EYS: variants seen among roughly 807,000 people sequenced by gnomAD.
EYS encodes the protein protein eyes shut homolog.
In EYS, 250 loss-of-function variants were observed where a neutral mutation model predicts 282.1. The ratio of observed to expected loss-of-function variants is 0.89; its 90% CI spans 0.80 to 0.98. The LOEUF (loss-of-function observed/expected upper bound fraction) is 0.98, where lower values mean the gene tolerates loss of function less well. Among genes scored for constraint, EYS ranks in the 50% least tolerant of loss-of-function variants. EYS has a pLI of 0.00. For missense variants in EYS, 4,016 were observed against 3,709.0 expected (o/e 1.08, Z -2.15); for synonymous variants, 1,355 against 1,282.9 (o/e 1.06, Z -1.20).
chr6:64,592,296 T>A (rs1766436530), intron 25 of EYS, among the ~76,000 whole-genome samples: 1 of 152,180 alleles, frequency 6.6e-6, no homozygotes, highest in South Asian at 2.1e-4. Context: ...ACATGAAAAA[T>A]TACAACTCTT....
At chr6:64,617,379 TA>T in intron 24 of EYS, 38 bp downstream of exon 24, 1 of 1,310,514 alleles carries the variant, frequency 7.6e-7, no homozygotes, top group Non-Finnish European at 1.1e-6. Context: ...TCAAAGAGAA[TA>T]AAAAATTATT....
At chr6:65,142,619 T>C (rs1480737717) in intron 12 of EYS, among the ~76,000 whole-genome samples, 1 of 151,416 alleles carries the variant, frequency 6.6e-6, no homozygotes, top group Non-Finnish European at 1.5e-5. Flanking sequence ...CTCTGTAATA[T>C]CTTTGCAACT....
At chr6:64,337,960 A>G (rs935502392) in intron 29 of EYS, among the ~76,000 whole-genome samples, 4 of 151,862 alleles carry the variant, frequency 2.6e-5, no homozygotes, top group African/African-American at 4.8e-5. Flanking sequence ...CAGCAAAATC[A>G]GCATACAAGG....
intron 21 of EYS, among the ~76,000 whole-genome samples, chr6:64,819,035 G>T (rs1008898373): frequency 2.0e-5 from 3 of 152,096 alleles, no homozygotes; most frequent in African/African-American, 4.8e-5. Context: ...ATTGACCCGA[G>T]TGCTCTTTTC....
chr6:64,858,416 G>C (rs1766133412), intron 19 of EYS, among the ~76,000 whole-genome samples: 2 of 151,858 alleles, frequency 1.3e-5, no homozygotes, highest in Non-Finnish European at 2.9e-5. Context: ...AAATATGTGG[G>C]CTTTTTTTTG....
chr6:64,674,548 G>A (rs2149898632), intron 22 of EYS, among the ~76,000 whole-genome samples: 1 of 152,120 alleles, frequency 6.6e-6, no homozygotes, highest in African/African-American at 2.4e-5. Flanking sequence ...ATTATGAAGT[G>A]ATGGATATAC....
chr6:64,712,876 C>G lies in EYS; in HGVS notation c.3444-86631G>C, dbSNP rs1324408100. Among the ~76,000 whole-genome samples the G allele has an allele frequency of 2.0e-5, 3 of 152,284 alleles. No individual in the cohort carries two copies. In the East Asian group the frequency reaches 5.8e-4, roughly 29 times the overall value. ...AACTATGCAACAAGAGAGCCAAATT[C>G]TCAAAGGCAATGGAGTGTAGCACAG... On this transcript the variant is annotated intron_variant, in intron 22 of 42. Transcript: ENST00000503581.
At chr6:64,681,180 T>C (rs1341470930) in intron 22 of EYS, among the ~76,000 whole-genome samples, 1 of 152,096 alleles carries the variant, frequency 6.6e-6, no homozygotes, top group Non-Finnish European at 1.5e-5. Context: ...GGAGAAAATA[T>C]AAAAACATAA....
At chr6:65,616,914 GC>G (rs1177117477) in intron 2 of EYS, among the ~76,000 whole-genome samples, 3 of 151,956 alleles carry the variant, frequency 2.0e-5, no homozygotes, top group East Asian at 3.9e-4. Flanking sequence ...ATACATTGAA[GC>G]TTTTAAAAAT....
At chr6:65,400,443 G>A (rs1238891078) in intron 7 of EYS, among the ~76,000 whole-genome samples, 1 of 151,648 alleles carries the variant, frequency 6.6e-6, no homozygotes, top group Non-Finnish European at 1.5e-5. Flanking sequence ...GACTCTACTT[G>A]TGTGCTACCT....
rs567479169 is a variant in EYS at position 64,192,525 on chromosome 6, C to T, written c.6424+38067G>A. 1.9e-4 allele frequency among the ~76,000 whole-genome samples: 29 copies of T among 152,026 alleles called. No individual in the cohort carries two copies. The South Asian group carries it at 4.8e-3, about 25-fold the overall frequency. ...AGAACAGAGCCCTCAGAAATAACGC[C>T]GCGTATCTACAACTATCTGATCTTT... On this transcript the variant is annotated intron_variant, in intron 31 of 42. Coordinates refer to ENST00000503581, the MANE Select transcript of EYS (RefSeq NM_001142800.2).
At chr6:63,923,691 C>T (rs1581981551) in intron 35 of EYS, among the ~76,000 whole-genome samples, 2 of 152,170 alleles carry the variant, frequency 1.3e-5, no homozygotes, top group Non-Finnish European at 2.9e-5. Context: ...AGGTACTGAG[C>T]ATAGTACACA....
chr6:64,527,238 TAATATATGGCCA>T, intron 26 of EYS, among the ~76,000 whole-genome samples: 1 of 151,928 alleles, frequency 6.6e-6, no homozygotes, highest in South Asian at 2.1e-4. Flanking sequence ...CTCCTGGGCT[TAATATATGGCCA>T]AAGTTCTATT....
intron 39 of EYS, among the ~76,000 whole-genome samples, chr6:63,782,352 G>A (rs1770252010): frequency 6.6e-6 from 1 of 152,112 alleles, no homozygotes; most frequent in East Asian, 1.9e-4. Context: ...TACCTCTGGT[G>A]GAATTCAGCT....
At chr6:65,355,772 A>T (rs1764456409) in intron 8 of EYS, among the ~76,000 whole-genome samples, 1 of 152,120 alleles carries the variant, frequency 6.6e-6, no homozygotes, top group African/African-American at 2.4e-5. Context: ...TTAAAACCAT[A>T]ATGAGACATC....
At chr6:65,399,082 A>T (rs1482794581) in intron 7 of EYS, among the ~76,000 whole-genome samples, 1 of 152,054 alleles carries the variant, frequency 6.6e-6, no homozygotes, top group Non-Finnish European at 1.5e-5. Context: ...TCTGGGCTAC[A>T]TACTCATAGT....
chr6:64,378,605 T>C (rs1287082332), intron 29 of EYS, among the ~76,000 whole-genome samples: 1 of 152,158 alleles, frequency 6.6e-6, no homozygotes, highest in African/African-American at 2.4e-5. Context: ...TTATTAAGTG[T>C]TAAATGTGCA....
chr6:64,703,429 A>ATATATTTTTTTTTTTT (rs869208549), intron 22 of EYS, among the ~76,000 whole-genome samples: 28 of 23,354 alleles, frequency 1.2e-3, no homozygotes, highest in Non-Finnish European at 2.1e-3. Context: ...ATATATATAT[A>ATATATTTTTTTTTTTT]TTTTTTTTTT....
chr6:64,110,015 A>T (rs2150265585), intron 31 of EYS, among the ~76,000 whole-genome samples: 1 of 152,222 alleles, frequency 6.6e-6, no homozygotes, highest in South Asian at 2.1e-4. Context: ...ACAGCTAGAG[A>T]TTGCAAACAC....
Sources: allele counts gnomAD v4.1 joint callset (sites outside exome capture counted in the v4.1 genomes callset), GRCh38; gene constraint gnomAD v4.1.1; transcripts MANE v1.5; gene names NCBI Gene and HGNC (gene_info 2026-07-23, HGNC 2026-07-21).